The following TONSL variants were observed in gnomAD, a reference collection of about 807,000 sequenced individuals.
The protein encoded by TONSL is tonsoku-like protein.
Under a neutral mutation model 147.1 loss-of-function variants are expected in TONSL, and 112 were observed. The ratio of observed to expected loss-of-function variants is 0.76; its 90% CI spans 0.65 to 0.89. TONSL has a LOEUF of 0.89. Among genes scored for constraint, TONSL ranks in the 40% least tolerant of loss-of-function variants. The pLI is 0.00. For missense variants in TONSL, 1,883 were observed against 1,864.6 expected (o/e 1.01, Z -0.18); for synonymous variants, 868 against 801.5 (o/e 1.08, Z -1.40).
Position 144,444,222 on chromosome 8 carries a change from C to T in TONSL, c.79G>A (p.Ala27Thr). The change falls in exon 2 of 26, where the codon GCC (alanine) becomes ACC (threonine). Residue 27 changes from alanine to threonine, a missense_variant. Transcript: ENST00000409379. ...AQRAGQRREE[A>T]ALCHQLGELL... ...TCCCCCAGCTGGTGGCACAGCGCGG[C>T]CTCTTCGCGCCGCTGCCCGGCCCTC... is the stretch of plus-strand genomic sequence containing the variant. 1 of 1,458,532 alleles carries T rather than the reference C, an allele frequency of 6.9e-7. No individual in the cohort carries two copies. The highest frequency in any genetic ancestry group is 9.0e-7 in the Non-Finnish European group (1 of 1,108,686). The allele number at this position is 1,458,532 out of a possible 1,614,324, so 90.3% of individuals were successfully genotyped here.
intron 7 of TONSL, 42 bp from the exon 8 acceptor site, chr8:144,441,153 C>T: frequency 6.2e-7 from 1 of 1,603,040 alleles, no homozygotes; most frequent in Non-Finnish European, 8.5e-7. Context: ...CACAGGGGGC[C>T]CTGACCCCAG....
chr8:144,430,280 A>G (rs1464799330), intron 25 of TONSL, 124 bp downstream of exon 25: 10 of 1,221,572 alleles, frequency 8.2e-6, no homozygotes, highest in African/African-American at 3.1e-5. Context: ...CCCCAGCCTC[A>G]TGGAGCCCAG....
intron 3 of TONSL, 113 bp from the exon 4 acceptor site, chr8:144,443,434 C>A: frequency 1.8e-6 from 2 of 1,086,364 alleles, no homozygotes; most frequent in South Asian, 1.5e-5. Flanking sequence ...TCCCCCTAAC[C>A]CCCACAGAGC....
At chr8:144,436,725 C>T (rs748833545) in intron 15 of TONSL, 32 bp downstream of exon 15, 4 of 1,610,602 alleles carry the variant, frequency 2.5e-6, no homozygotes, top group African/African-American at 2.7e-5. Flanking sequence ...CCCCCATAAC[C>T]TCGCCCTTGC....
In TONSL at chr8:144,438,509, C is replaced by T. The variant is rs370196996; in HGVS notation, c.1615G>A (p.Glu539Lys). 36 of 1,613,024 alleles carry T rather than the reference C, an allele frequency of 2.2e-5. No homozygotes were observed. Among genetic ancestry groups the T allele is most frequent in the South Asian group, 4.4e-5 (4 of 91,088 alleles). The change falls in exon 13 of 26, where the codon GAG becomes AAG. Residue 539 changes from glutamate to lysine, a missense_variant. By Grantham distance (56) the Glu-to-Lys change is moderately conservative (BLOSUM62 1). Coordinates refer to ENST00000409379, the MANE Select transcript of TONSL (RefSeq NM_013432.5). ...GETLLHRACI[E>K]GQLRRVQDLV... ...TCCTGGACGCGGCGCAGCTGGCCCT[C>T]GATGCAGGCTCGGTGCAGCAGGGTC...
chr8:144,434,873 G>A lies in TONSL; in HGVS notation c.3023C>T (p.Thr1008Ile). ...QSNDEVLAEV[T>I]SWDLPPLTDR... The stretch of plus-strand genomic sequence containing the variant: ...AGTCAACGGGGGCAGGTCCCACGAA[G>A]TCACCTCAGCCAACACCTGGAAGGC... The change falls in exon 20 of 26, where the codon ACT (threonine) becomes ATT (isoleucine). Residue 1008 changes from threonine to isoleucine, a missense_variant. Thr to Ile is a moderately conservative substitution (Grantham distance 89). Coordinates refer to ENST00000409379, the MANE Select transcript of TONSL (RefSeq NM_013432.5). 6.2e-7 allele frequency: 1 copy of A among 1,613,410 alleles called. No individual in the cohort carries two copies. The highest frequency in any genetic ancestry group is 8.5e-7 in the Non-Finnish European group (1 of 1,179,952).
Position 144,440,496 on chromosome 8 carries a change from A to G in TONSL, c.1165-20T>C, listed in dbSNP as rs757390016. On this transcript the variant is annotated intron_variant, in intron 9 of 25. Coordinates refer to ENST00000409379, the MANE Select transcript of TONSL (RefSeq NM_013432.5). ...GGCCTCCTGGAGCAGGAGGAAGGAC[A>G]GGGTCGGGGGCTGCCGCTGTCTGCG... 2 of 1,582,396 alleles carry G rather than the reference A, an allele frequency of 1.3e-6. No homozygotes were observed. The highest frequency in any genetic ancestry group is 1.7e-6 in the Non-Finnish European group (2 of 1,160,836).
In TONSL at chr8:144,442,065, C is replaced by T; in HGVS notation, c.837G>A (p.Arg279=). The change falls in exon 7 of 26, where the codon AGG becomes AGA. Residue 279 remains arginine (R), a synonymous_variant. Transcript: ENST00000409379. ...GCTGGAGGTTCTGACAGATGGCTGC[C>T]CTCTGCACAGGCTTCTGGGAGCCCA... ...YRLGSQKPVQ[R]AAICQNLQHV... 1.9e-6 allele frequency: 3 copies of T among 1,612,874 alleles called. No homozygotes were observed. The highest frequency in any genetic ancestry group is 2.5e-6 in the Non-Finnish European group (3 of 1,179,938).
Position 144,442,973 on chromosome 8 carries a change from G to A in TONSL, c.448+165C>T, listed in dbSNP as rs1441816029. 8.2e-6 allele frequency: 10 copies of A among 1,220,978 alleles called. No individual in the cohort carries two copies. The South Asian group carries it at 9.3e-5, about 11-fold the overall frequency. 75.6% of individuals were successfully genotyped at this position (1,220,978 alleles called of 1,614,324 possible). A position where few individuals can be genotyped will look rare whatever the true frequency, so the allele number is the denominator to read the frequency against. ...AGCACAGAGTGGATAAAGAGCTGAC[G>A]ATCTCCAGGGGAAAGGTTGAGCGGG... On this transcript the variant is annotated intron_variant, in intron 4 of 25. Coordinates refer to ENST00000409379, the MANE Select transcript of TONSL (RefSeq NM_013432.5).
In TONSL at chr8:144,442,761, T is replaced by A. The variant is rs760216864; in HGVS notation, c.494A>T (p.Tyr165Phe). 1.2e-6 allele frequency: 2 copies of A among 1,612,878 alleles called. No individual in the cohort carries two copies. Among genetic ancestry groups the A allele is most frequent in the East Asian group, 2.2e-5 (1 of 44,880 alleles). The change falls in exon 5 of 26, where the codon TAT becomes TTT. Residue 165 changes from tyrosine to phenylalanine, a missense_variant. Transcript: ENST00000409379. ...GELNEMRTRL[Y>F]LNLGLTFESL... ...CTCAAAGGTGAGGCCCAGGTTGAGA[T>A]AGAGGCGGGTCCTCATCTCATTCAG...
In TONSL at chr8:144,440,840, C is replaced by G. The variant is rs763201864; in HGVS notation, c.1042G>C (p.Gly348Arg). The G allele has an allele frequency of 5.0e-6, 8 of 1,612,860 alleles. No individual in the cohort carries two copies. In the South Asian group the frequency reaches 5.5e-5, roughly 11 times the overall value. The change falls in exon 9 of 26, where the codon GGT becomes CGT. Residue 348 changes from glycine to arginine, a missense_variant. Physicochemically the swap from Gly to Arg is moderately radical, Grantham distance 125. Transcript: ENST00000409379. ...ACGTGGATGATGGCCCGCTCAGCAC[C>G]CGGTCTGTCCAGCAGCTCAGCAAAA... ...LRFAELLDRP[G>R]AERAIIHVSL...
chr8:144,431,666 C>A (rs555659364), intron 23 of TONSL, among the ~76,000 whole-genome samples: 1 of 151,876 alleles, frequency 6.6e-6, no homozygotes, highest in Non-Finnish European at 1.5e-5. Context: ...GAGCCCGTCA[C>A]CACGCCCGGC....
Position 144,444,010 on chromosome 8 carries a change from C to A in TONSL, c.136G>T (p.Ala46Ser), listed in dbSNP as rs1287983486. Residue 46 changes from alanine to serine, a missense_variant, in exon 3 of 26, where the codon GCT (alanine) becomes TCT (serine). Physicochemically the swap from Ala to Ser is moderately conservative, Grantham distance 99. Transcript: ENST00000409379. ...AGCTCCTGCCAGTGCTGCTCCAGAG[C>A]CTCGGCGTAGCGGCCTAGGCGGGGG... ...LLAGHGRYAE[A>S]LEQHWQELQL... 3.3e-6 allele frequency: 5 copies of A among 1,537,696 alleles called. No individual in the cohort carries two copies. The highest frequency in any genetic ancestry group is 4.4e-6 in the Non-Finnish European group (5 of 1,146,270).
Position 144,440,877 on chromosome 8 carries a change from G to A in TONSL, c.1012-7C>T. On this transcript the variant is annotated splice_polypyrimidine_tract_variant and splice_region_variant and intron_variant, in intron 8 of 25. Transcript: ENST00000409379. ...GCAGCTCAGCAAAACGCAGCTGGGG[G>A]CAGTGCCAGTGAGGCCAGGGGCTGC... 6.2e-7 allele frequency: 1 copy of A among 1,612,698 alleles called. No individual in the cohort carries two copies. The highest frequency in any genetic ancestry group is 8.5e-7 in the Non-Finnish European group (1 of 1,179,892).
Position 144,432,409 on chromosome 8 carries a change from G to A in TONSL, c.3611C>T (p.Pro1204Leu). 1 of 1,590,856 alleles carries A rather than the reference G, an allele frequency of 6.3e-7. No homozygotes were observed. Among genetic ancestry groups the A allele is most frequent in the Non-Finnish European group, 8.5e-7 (1 of 1,170,836 alleles). Residue 1204 changes from proline (P) to leucine (L), a missense_variant, in exon 23 of 26, where the codon CCT (proline) becomes CTT (leucine). By Grantham distance (98) the Pro-to-Leu change is moderately conservative. Transcript: ENST00000409379. ...LSLSYNALGA[P>L]ALARTLQSLP... ...GCTCTGCAGGGTCCTGGCCAGGGCA[G>A]GGGCTCCCAGGGCGTTGTAGGACAG...
intron 7 of TONSL, 81 bp from the exon 8 acceptor site, chr8:144,441,192 T>C (rs1018776033): frequency 3.5e-5 from 55 of 1,557,600 alleles, no homozygotes; most frequent in Non-Finnish European, 3.5e-5. Context: ...GTGAGCCCTG[T>C]GGTGGCCCCC....
In TONSL at chr8:144,442,323, C is replaced by A. The variant is rs767693808; in HGVS notation, c.668G>T (p.Arg223Leu). 10 of 1,598,454 alleles carry A rather than the reference C, an allele frequency of 6.3e-6. No homozygotes were observed. Among genetic ancestry groups the A allele is most frequent in the East Asian group, 4.5e-5 (2 of 44,522 alleles). The change falls in exon 6 of 26, where the codon CGC becomes CTC. Residue 223 changes from arginine (R) to leucine (L), a missense_variant. Physicochemically the swap from Arg to Leu is moderately radical, Grantham distance 102. Coordinates refer to ENST00000409379, the MANE Select transcript of TONSL (RefSeq NM_013432.5). ...WRAGQHSQAM[R>L]CLEGARECAH... ...ACACTCCCGGGCACCCTCCAAGCAG[C>A]GCATAGCCTGGGAGTGCTGGCCCGC...
chr8:144,436,809 A>T lies in TONSL; in HGVS notation c.1838T>A (p.Val613Glu), dbSNP rs754514843. The change falls in exon 15 of 26, where the codon GTG (valine) becomes GAG (glutamate). Residue 613 changes from valine (V) to glutamate (E), a missense_variant. Physicochemically the swap from Val to Glu is moderately radical, Grantham distance 121. Transcript: ENST00000409379. ...CCCCCGTTCAAGCAGCAGCTCAGCC[A>T]CCTCGAAGTGGCCACAGTTGAGGGC... ...HDALNCGHFE[V>E]AELLLERGAS... 6.2e-7 allele frequency: 1 copy of T among 1,611,404 alleles called. No homozygotes were observed. The highest frequency in any genetic ancestry group is 1.7e-5 in the Admixed American group (1 of 60,012).
intron 7 of TONSL, 115 bp from the exon 8 acceptor site, chr8:144,441,226 G>A: frequency 7.1e-7 from 1 of 1,408,290 alleles, no homozygotes; most frequent in East Asian, 2.5e-5. Context: ...ACCTCTGCCT[G>A]CCTGTTGGTG....
Sources: gnomAD v4.1 joint callset for allele counts (sites outside exome capture counted in the v4.1 genomes callset) on GRCh38, gnomAD v4.1.1 for gene constraint, MANE v1.5 for transcripts, NCBI Gene and HGNC (gene_info 2026-07-23, HGNC 2026-07-21) for gene names.